LINGO2: variants seen among roughly 807,000 people sequenced by gnomAD.
The protein encoded by LINGO2 is leucine-rich repeat and immunoglobulin-like domain-containing nogo receptor-interacting protein 2.
Under a neutral mutation model 30.6 loss-of-function variants are expected in LINGO2, and 14 were observed. The observed-to-expected ratio is 0.46, with a 90% confidence interval of 0.30 to 0.72. The LOEUF (loss-of-function observed/expected upper bound fraction) is 0.72. LINGO2 is among the 30% of genes least tolerant of loss of function. LINGO2 has a pLI of 0.07. For missense variants in LINGO2, 729 were observed against 751.7 expected, an observed-to-expected ratio of 0.97 and a Z score of 0.35; for synonymous variants, 317 against 288.5, an observed-to-expected ratio of 1.10 and a Z score of -1.00.
chr9:28,144,612 G>C (rs1454439957), intron 4 of LINGO2, among the ~76,000 whole-genome samples: 1 of 152,146 alleles, frequency 6.6e-6, no homozygotes, highest in Non-Finnish European at 1.5e-5. Flanking sequence ...TGTATTTTCA[G>C]TTCAGTTCCC....
chr9:28,148,747 G>A lies in LINGO2; in HGVS notation c.-86-136342C>T. The A allele has an allele frequency of 6.5e-7, 1 of 1,534,032 alleles. No homozygotes were observed. Among genetic ancestry groups the A allele is most frequent in the Non-Finnish European group, 8.7e-7 (1 of 1,146,548 alleles). ...CTGGAGGCATCCTTCCCTTTGGGAA[G>A]CCTGACCCACTTCCAACAGTGCTCC... On this transcript the variant is annotated intron_variant, in intron 4 of 5. Coordinates refer to ENST00000379992, the Ensembl canonical transcript of LINGO2. The surrounding 1 kb of genome is among the most constrained non-coding windows in gnomAD (Gnocchi z 5.1).
chr9:28,491,457 T>C (rs1256017924), intron 1 of LINGO2, among the ~76,000 whole-genome samples: 1 of 152,194 alleles, frequency 6.6e-6, no homozygotes, highest in Admixed American at 6.5e-5. Context: ...TGTTACCAAA[T>C]AGAGTAACAT....
chr9:28,143,084 A>G (rs1211261204), intron 4 of LINGO2, among the ~76,000 whole-genome samples: 1 of 152,222 alleles, frequency 6.6e-6, no homozygotes, highest in Non-Finnish European at 1.5e-5. Flanking sequence ...CTATTTGTCC[A>G]CATCTTACCT....
chr9:28,291,444 G>A (rs1160845842), intron 4 of LINGO2, among the ~76,000 whole-genome samples: 1 of 152,148 alleles, frequency 6.6e-6, no homozygotes, highest in African/African-American at 2.4e-5. Context: ...CCAGTTCTAG[G>A]GAACAGGGAT....
the LINGO2 span, among the ~76,000 whole-genome samples, chr9:28,721,885 T>A: frequency 6.6e-6 from 1 of 152,110 alleles, no homozygotes; most frequent in Non-Finnish European, 1.5e-5. Context: ...TTTGGGCTCT[T>A]GTTAAAATAG....
chr9:28,467,646 T>C (rs915512044), intron 2 of LINGO2, among the ~76,000 whole-genome samples: 81 of 152,228 alleles, frequency 5.3e-4, no homozygotes, highest in African/African-American at 1.9e-3. Context: ...AGTAAATATT[T>C]TTATTACATA....
chr9:28,651,637 C>T (rs1308031895), intron 1 of LINGO2, among the ~76,000 whole-genome samples: 5 of 151,948 alleles, frequency 3.3e-5, no homozygotes, highest in South Asian at 2.1e-4. Flanking sequence ...TTTCCATAAT[C>T]GTATTAATGT....
At chr9:28,747,125 T>C in the LINGO2 span, among the ~76,000 whole-genome samples, 2 of 151,784 alleles carry the variant, frequency 1.3e-5, no homozygotes, top group African/African-American at 2.4e-5. Context: ...CCCCCTATCC[T>C]GTACCCATAT....
At chr9:28,027,909 G>A (rs1823461697) in intron 4 of LINGO2, among the ~76,000 whole-genome samples, 1 of 152,046 alleles carries the variant, frequency 6.6e-6, no homozygotes, top group South Asian at 2.1e-4. Context: ...ATGTGTCCAG[G>A]ATTGGCCCCA....
At chr9:28,782,116 T>A in the LINGO2 span, among the ~76,000 whole-genome samples, 12 of 152,242 alleles carry the variant, frequency 7.9e-5, no homozygotes, top group East Asian at 5.8e-4. Flanking sequence ...TTTAAAAATA[T>A]ATATATATAT....
intron 4 of LINGO2, among the ~76,000 whole-genome samples, chr9:28,206,383 T>C (rs922065220): frequency 1.3e-5 from 2 of 152,028 alleles, no homozygotes; most frequent in Non-Finnish European, 2.9e-5. Flanking sequence ...ACAAAAAATA[T>C]GAAAATGCCT....
chr9:28,617,334 C>T lies in LINGO2; in HGVS notation c.-365+52866G>A, dbSNP rs376207844. On this transcript the variant is annotated intron_variant, in intron 1 of 5. Transcript: ENST00000379992. ...TTTTCGAGACAGAGTCTCGCTCTGT[C>T]GCCCAGGCTGGAGTGCAGTGGCGCG... Among the ~76,000 whole-genome samples the T allele has an allele frequency of 4.2e-4, 62 of 148,510 alleles. No homozygotes were observed. In the South Asian group the frequency reaches 0.013, roughly 31 times the overall value.
the LINGO2 span, among the ~76,000 whole-genome samples, chr9:29,066,764 T>C: frequency 5.3e-5 from 8 of 151,872 alleles, no homozygotes; most frequent in Non-Finnish European, 1.0e-4. Flanking sequence ...ATTTAAGACC[T>C]AAAATATAGT....
the LINGO2 span, among the ~76,000 whole-genome samples, chr9:29,115,512 A>G: frequency 6.6e-6 from 1 of 152,098 alleles, no homozygotes; most frequent in South Asian, 2.1e-4. Flanking sequence ...TCTCCCATAG[A>G]AAGACTTGTA....
the LINGO2 span, among the ~76,000 whole-genome samples, chr9:28,924,722 G>C: frequency 1.3e-5 from 2 of 152,110 alleles, no homozygotes; most frequent in Non-Finnish European, 2.9e-5. Flanking sequence ...TTATAGCTTT[G>C]CTGTACATAA....
the LINGO2 span, among the ~76,000 whole-genome samples, chr9:29,142,127 C>T: frequency 8.6e-5 from 13 of 151,782 alleles, no homozygotes; most frequent in Non-Finnish European, 5.9e-5. Context: ...GCTCATGGAA[C>T]ATTCTCCAGG....
chr9:28,189,122 A>G (rs535451464), intron 4 of LINGO2, among the ~76,000 whole-genome samples: 1 of 152,150 alleles, frequency 6.6e-6, no homozygotes, highest in South Asian at 2.1e-4. Flanking sequence ...TTCAGAACAA[A>G]GTTCCTGAGG....
chr9:29,145,483 G>A, the LINGO2 span, among the ~76,000 whole-genome samples: 1 of 151,158 alleles, frequency 6.6e-6, no homozygotes, highest in Non-Finnish European at 1.5e-5. Flanking sequence ...AGAATTATAA[G>A]AGAAAAAATT....
rs555433917 is a variant in LINGO2 at position 28,008,328 on chromosome 9, A to G, written c.-36+4027T>C. ...ATACATCTATTTACCTATGTTATAC[A>G]TATAATATAGATGATATCTATAAAA... is the stretch of plus-strand genomic sequence containing the variant. On this transcript the variant is annotated intron_variant, in intron 5 of 5. Transcript: ENST00000379992. 5.9e-5 allele frequency among the ~76,000 whole-genome samples: 9 copies of G among 152,240 alleles called. 1 individual carries two copies. In the South Asian group the frequency reaches 1.4e-3, roughly 25 times the overall value.
Sources: gnomAD v4.1 joint callset for allele counts (sites outside exome capture counted in the v4.1 genomes callset) on GRCh38, gnomAD v4.1.1 for gene constraint, Gnocchi (gnomAD v3.1) non-coding constraint, MANE v1.5 for transcripts, NCBI Gene and HGNC (gene_info 2026-07-23, HGNC 2026-07-21) for gene names.